The following PCDH11X variants were observed in gnomAD, a reference collection of about 807,000 sequenced individuals.
PCDH11X encodes the protein protocadherin-11 X-linked.
Under a neutral mutation model 53.3 loss-of-function variants are expected in PCDH11X, and 18 were observed. The observed-to-expected ratio is 0.34, with a 90% CI of 0.23 to 0.50. PCDH11X has a LOEUF of 0.50. Among genes scored for constraint, PCDH11X ranks in the 20% least tolerant of loss-of-function variants. The probability of loss-of-function intolerance (pLI) is 0.98; values close to 1 mark genes in which losing one functional copy is unlikely to be tolerated. For missense variants in PCDH11X, 570 were observed against 1,032.4 expected (o/e 0.55, Z 6.14); for synonymous variants, 279 against 393.3 (o/e 0.71, Z 3.44).
chrX:92,532,903 G>A (rs779036907), intron 10 of PCDH11X, among the ~76,000 whole-genome samples: 38 of 111,218 alleles, frequency 3.4e-4, no homozygotes, highest in Non-Finnish European at 6.0e-4. Flanking sequence ...GAGAGCTTGC[G>A]CAGGGCAACT....
chrX:91,802,377 C>T (rs1935964556), intron 1 of PCDH11X, among the ~76,000 whole-genome samples: 1 of 111,915 alleles, frequency 8.9e-6, no homozygotes, highest in African/African-American at 3.2e-5. Context: ...CCCCTGTTTC[C>T]TGCTTCTCAC....
chrX:92,201,273 G>A (rs1243740650), intron 6 of PCDH11X, 102 bp from the exon 7 acceptor site: 102 of 1,046,773 alleles, frequency 9.7e-5, no homozygotes, highest in Non-Finnish European at 1.2e-4. Flanking sequence ...ATCTACCCAG[G>A]CACTATTTTA....
chrX:92,039,566 A>C (rs1169128775), intron 6 of PCDH11X, among the ~76,000 whole-genome samples: 2 of 110,959 alleles, frequency 1.8e-5, no homozygotes, highest in Admixed American at 9.6e-5. Context: ...CTGCTCAGTC[A>C]GCTTGTGGTA....
chrX:92,494,688 T>G (rs2073830515), intron 10 of PCDH11X, among the ~76,000 whole-genome samples: 1 of 109,726 alleles, frequency 9.1e-6, no homozygotes, highest in Non-Finnish European at 1.9e-5. Flanking sequence ...GTCCTCTTTT[T>G]GAAATAAGGC....
chrX:92,601,016 A>C (rs1424951251), intron 10 of PCDH11X, among the ~76,000 whole-genome samples: 1 of 111,174 alleles, frequency 9.0e-6, no homozygotes. Flanking sequence ...TGGAATGGGC[A>C]TATTTACCCA....
intron 1 of PCDH11X, among the ~76,000 whole-genome samples, chrX:91,781,264 G>A (rs1412903321): frequency 9.1e-6 from 1 of 109,623 alleles, no homozygotes; most frequent in African/African-American, 3.3e-5. Flanking sequence ...CTGTTTGTAC[G>A]AAGAAAAGTG....
At chrX:91,948,418 C>T (rs766808284) in intron 6 of PCDH11X, among the ~76,000 whole-genome samples, 1 of 108,333 alleles carries the variant, frequency 9.2e-6, no homozygotes, top group Admixed American at 1.0e-4. Context: ...GGGTAATGGA[C>T]TGTGGGATAA....
At chrX:92,030,450 G>A (rs2063032695) in intron 6 of PCDH11X, among the ~76,000 whole-genome samples, 1 of 107,726 alleles carries the variant, frequency 9.3e-6, no homozygotes, top group African/African-American at 3.4e-5. Flanking sequence ...CATCAAAATA[G>A]GGCATCTATC....
intron 8 of PCDH11X, among the ~76,000 whole-genome samples, chrX:92,268,961 G>T (rs944993338): frequency 8.9e-6 from 1 of 112,113 alleles, no homozygotes; most frequent in Admixed American, 9.5e-5. Context: ...TTACATCTTT[G>T]TATACTACAT....
intron 10 of PCDH11X, among the ~76,000 whole-genome samples, chrX:92,475,422 G>C (rs190413103): frequency 1.1e-3 from 125 of 110,700 alleles, no homozygotes; most frequent in Middle Eastern, 4.7e-3. Context: ...TTCATGTTTA[G>C]AGGATATTTT....
chrX:91,811,582 T>C (rs1203862789), intron 4 of PCDH11X, among the ~76,000 whole-genome samples: 1 of 111,107 alleles, frequency 9.0e-6, no homozygotes, highest in Non-Finnish European at 1.9e-5. Context: ...GCCACACATG[T>C]TGTCCGTGGA....
In PCDH11X at chrX:92,067,538, T is replaced by C. The variant is rs752170862; in HGVS notation, c.3034-133837T>C. ...GTTATGATGAATGCTCTATTTAATATATTGTCTAATTCAGTTTGTAGTATT... is the reference window on the plus strand; with the variant it reads ...GTTATGATGAATGCTCTATTTAATACATTGTCTAATTCAGTTTGTAGTATT... On this transcript the variant is annotated intron_variant, in intron 6 of 10. Coordinates refer to ENST00000682573, the MANE Select transcript of PCDH11X (RefSeq NM_032968.5). 8.1e-5 allele frequency among the ~76,000 whole-genome samples: 9 copies of C among 111,179 alleles called. No individual in the cohort carries two copies. In the East Asian group the frequency reaches 2.6e-3, roughly 32 times the overall value.
chrX:92,111,037 A>G (rs1429669117), intron 6 of PCDH11X, among the ~76,000 whole-genome samples: 1 of 107,546 alleles, frequency 9.3e-6, no homozygotes, highest in Non-Finnish European at 1.9e-5. Context: ...ACAAACAGCA[A>G]ATATTTTCAC....
At chrX:92,529,301 G>T (rs903199596) in intron 10 of PCDH11X, among the ~76,000 whole-genome samples, 7 of 109,386 alleles carry the variant, frequency 6.4e-5, no homozygotes, top group Non-Finnish European at 1.3e-4. Context: ...TGGCTGAAAA[G>T]GTTATTCTAA....
At chrX:92,144,646 C>T (rs1165327259) in intron 6 of PCDH11X, among the ~76,000 whole-genome samples, 1 of 111,164 alleles carries the variant, frequency 9.0e-6, no homozygotes, top group Admixed American at 9.7e-5. Context: ...CAATACTTAA[C>T]TTTCAGGTTT....
At chrX:91,907,853 A>G (rs1569436709) in intron 6 of PCDH11X, among the ~76,000 whole-genome samples, 2 of 111,275 alleles carry the variant, frequency 1.8e-5, no homozygotes, top group Non-Finnish European at 3.8e-5. Context: ...CTCATCATTT[A>G]GCTCCCTCTT....
chrX:91,856,550 A>G (rs1334041260), intron 5 of PCDH11X, among the ~76,000 whole-genome samples: 4 of 109,627 alleles, frequency 3.6e-5, no homozygotes, highest in African/African-American at 6.7e-5. Context: ...TGCTGCACCT[A>G]TCAACCCATC....
chrX:91,964,576 A>T (rs1331455406), intron 6 of PCDH11X, among the ~76,000 whole-genome samples: 3 of 112,455 alleles, frequency 2.7e-5, no homozygotes, highest in Non-Finnish European at 3.7e-5. Flanking sequence ...TTAGGAAGAA[A>T]ACCATGATGT....
chrX:92,060,568 T>TAAGTGAG (rs2063509935), intron 6 of PCDH11X, among the ~76,000 whole-genome samples: 1 of 109,904 alleles, frequency 9.1e-6, no homozygotes, highest in Non-Finnish European at 1.9e-5. Flanking sequence ...CTTCTACTTA[T>TAAGTGAG]AACATGCAGT....
Sources: gnomAD v4.1 joint callset for allele counts (sites outside exome capture counted in the v4.1 genomes callset) on GRCh38, gnomAD v4.1.1 for gene constraint, MANE v1.5 for transcripts, NCBI Gene and HGNC (gene_info 2026-07-23, HGNC 2026-07-21) for gene names.